TBCK: variants seen among roughly 807,000 people sequenced by gnomAD.
TBCK encodes TBC domain-containing protein kinase-like protein.
TBCK carries 99 observed loss-of-function variants against 113.4 expected under a neutral mutation model. The observed-to-expected ratio is 0.87, with a 90% confidence interval of 0.74 to 1.03. The LOEUF (loss-of-function observed/expected upper bound fraction) is 1.03. Ranked by LOEUF, TBCK falls within the 50% of genes least tolerant of loss-of-function variation. The pLI is 0.00. For missense variants in TBCK, 1,045 were observed against 1,061.3 expected, an observed-to-expected ratio of 0.98 and a Z score of 0.21; for synonymous variants, 369 against 370.8, an observed-to-expected ratio of 1.00 and a Z score of 0.05.
chr4:106,145,462 A>G (rs1407390520), intron 23 of TBCK, among the ~76,000 whole-genome samples: 1 of 152,176 alleles, frequency 6.6e-6, no homozygotes, highest in African/African-American at 2.4e-5. Context: ...ACATATTAAC[A>G]CCATGTAATT....
chr4:106,220,189 AC>A lies in TBCK; in HGVS notation c.1775-7355del, dbSNP rs927998373. ...AGAATTCCCACATGTTGTGGGAGGG[AC>A]CGGGGTGTGGTAATTGAATCATGGG... On this transcript the variant is annotated intron_variant, in intron 19 of 25. Coordinates refer to ENST00000394708, the MANE Select transcript of TBCK (RefSeq NM_001163435.3). Among the ~76,000 whole-genome samples the A allele has an allele frequency of 1.9e-4, 29 of 152,138 alleles. 1 individual carries two copies. The highest frequency in any genetic ancestry group is 6.7e-4 in the African/African-American group (28 of 41,494).
chr4:106,248,440 T>C, intron 8 of TBCK, 134 bp from the exon 9 acceptor site: 1 of 612,312 alleles, frequency 1.6e-6, no homozygotes, highest in Non-Finnish European at 2.7e-6. Context: ...ATTTAGTCAC[T>C]GTGAAAAAGC....
At chr4:106,165,656 T>G (rs1390823075) in intron 23 of TBCK, among the ~76,000 whole-genome samples, 2 of 151,814 alleles carry the variant, frequency 1.3e-5, no homozygotes, top group Non-Finnish European at 3.0e-5. Flanking sequence ...ACTAAACTTG[T>G]AATAATGATT....
intron 23 of TBCK, among the ~76,000 whole-genome samples, chr4:106,166,883 CA>C (rs1750427570): frequency 1.3e-5 from 2 of 150,968 alleles, no homozygotes; most frequent in Admixed American, 6.6e-5. Context: ...CACTCAAATA[CA>C]GAAAAGATGG....
In TBCK at chr4:106,174,193, A is replaced by G. The variant is rs1751358395; in HGVS notation, c.2060-2923T>C. Among the ~76,000 whole-genome samples the G allele has an allele frequency of 1.3e-5, 2 of 152,096 alleles. 1 individual carries two copies. Among genetic ancestry groups the G allele is most frequent in the South Asian group, 4.1e-4 (2 of 4,828 alleles). ...TGGAACTTCTCTTTACCATTATCCA[A>G]TTCTCTTAGGCTATCCCCTATATTT... On this transcript the variant is annotated intron_variant, in intron 22 of 25. Transcript: ENST00000394708.
chr4:106,060,031 G>C (rs905763337), intron 25 of TBCK, among the ~76,000 whole-genome samples: 2 of 151,788 alleles, frequency 1.3e-5, no homozygotes, highest in African/African-American at 4.8e-5. Flanking sequence ...AAGGCTGTGA[G>C]AGATGAGGAA....
intron 22 of TBCK, among the ~76,000 whole-genome samples, chr4:106,191,777 C>A (rs748093631): frequency 6.6e-6 from 1 of 151,988 alleles, no homozygotes; most frequent in Admixed American, 6.6e-5. Flanking sequence ...GCAAAGAAAC[C>A]CAATTGTACC....
At chr4:106,257,056 C>T (rs943041349) in intron 5 of TBCK, among the ~76,000 whole-genome samples, 8 of 151,812 alleles carry the variant, frequency 5.3e-5, no homozygotes, top group African/African-American at 1.9e-4. Context: ...AAAAAAAATT[C>T]CTATAAAAAA....
intron 3 of TBCK, among the ~76,000 whole-genome samples, chr4:106,264,561 G>T (rs541383325): frequency 9.9e-5 from 15 of 152,042 alleles, no homozygotes; most frequent in Admixed American, 9.2e-4. Context: ...AGAAAGATGG[G>T]AAGTGATTGG....
intron 19 of TBCK, among the ~76,000 whole-genome samples, chr4:106,219,824 C>T (rs1012604817): frequency 1.3e-5 from 2 of 152,026 alleles, no homozygotes; most frequent in Non-Finnish European, 2.9e-5. Flanking sequence ...CAGGTGACAA[C>T]CTCATTTTTT....
intron 3 of TBCK, among the ~76,000 whole-genome samples, chr4:106,271,393 T>C (rs936698844): frequency 2.0e-5 from 3 of 152,180 alleles, no homozygotes; most frequent in African/African-American, 7.2e-5. Flanking sequence ...TGTTTTCTTG[T>C]GCAATATCTG....
Position 106,212,685 on chromosome 4 carries a change from T to C in TBCK, c.1860+65A>G, listed in dbSNP as rs572951455. 6.3e-5 allele frequency: 75 copies of C among 1,188,098 alleles called. No homozygotes were observed. The African/African-American group carries it at 7.2e-4, about 11-fold the overall frequency. The allele number at this position is 1,188,098 out of a possible 1,614,324, so 73.6% of individuals were successfully genotyped here. A position where few individuals can be genotyped will look rare whatever the true frequency, so the allele number is the denominator to read the frequency against. On this transcript the variant is annotated intron_variant, in intron 20 of 25. Transcript: ENST00000394708. ...AACAAAAATTAAGAAAATACACTCT[T>C]CTGTGCTAATAATTTCTGCTTTTTT...
chr4:106,082,494 T>G (rs918631442), intron 25 of TBCK, among the ~76,000 whole-genome samples: 1 of 151,790 alleles, frequency 6.6e-6, no homozygotes, highest in African/African-American at 2.4e-5. Context: ...GGTACTATGC[T>G]CACTACACAG....
Position 106,046,583 on chromosome 4 carries a change from G to A in TBCK, c.2669C>T (p.Ser890Phe), listed in dbSNP as rs1328797011. 8 of 1,596,372 alleles carry A rather than the reference G, an allele frequency of 5.0e-6. No homozygotes were observed. The highest frequency in any genetic ancestry group is 3.3e-5 in the Admixed American group (2 of 59,940). The part of the protein sequence containing the change: ...IKPTGLLTIP[S>F]PQI Reference sequence around the variant, plus strand: ...ACTCTTGGTTCTTCATATTTGAGGAGATGGGATGGTGAGGAGGCCTGTTGG... The same window carrying A: ...ACTCTTGGTTCTTCATATTTGAGGAAATGGGATGGTGAGGAGGCCTGTTGG... The change falls in exon 26 of 26, where the codon TCT becomes TTT. Residue 890 changes from serine (S) to phenylalanine (F), a missense_variant. By Grantham distance (155) the Ser-to-Phe change is radical. Transcript: ENST00000394708.
At chr4:106,304,528 T>A (rs1767297223) in intron 2 of TBCK, among the ~76,000 whole-genome samples, 1 of 152,204 alleles carries the variant, frequency 6.6e-6, no homozygotes, top group African/African-American at 2.4e-5. Context: ...ATTATAAAAA[T>A]AATTTGAAGC....
intron 3 of TBCK, among the ~76,000 whole-genome samples, chr4:106,269,605 T>C (rs1288684670): frequency 6.6e-6 from 1 of 152,158 alleles, no homozygotes; most frequent in Admixed American, 6.5e-5. Context: ...GATTCAGATG[T>C]TTTGAAATGG....
chr4:106,226,802 A>C (rs760874146), intron 19 of TBCK, among the ~76,000 whole-genome samples: 3 of 152,114 alleles, frequency 2.0e-5, no homozygotes, highest in Non-Finnish European at 2.9e-5. Flanking sequence ...CTGAAATCTG[A>C]AAGAGTACAC....
chr4:106,112,509 C>T (rs904018765), intron 24 of TBCK, among the ~76,000 whole-genome samples: 2 of 152,088 alleles, frequency 1.3e-5, no homozygotes, highest in African/African-American at 2.4e-5. Context: ...GATTTACTAG[C>T]GCTCAGAGGG....
At chr4:106,075,476 T>TATATG (rs1738068802) in intron 25 of TBCK, among the ~76,000 whole-genome samples, 2 of 152,238 alleles carry the variant, frequency 1.3e-5, no homozygotes, top group African/African-American at 4.8e-5. Flanking sequence ...TTAATAAAAA[T>TATATG]ATATGATACT....
Sources: allele counts gnomAD v4.1 joint callset (sites outside exome capture counted in the v4.1 genomes callset), GRCh38; gene constraint gnomAD v4.1.1; transcripts MANE v1.5; gene names NCBI Gene and HGNC (gene_info 2026-07-23, HGNC 2026-07-21).